Variants in PACRG observed in about 807,000 individuals in gnomAD.
PACRG encodes parkin coregulated gene protein.
A neutral mutation model predicts 29.7 loss-of-function variants in PACRG; 29 were observed. That is an observed-to-expected ratio of 0.98 (90% CI 0.73 to 1.33). The LOEUF is 1.33. Among genes scored for constraint, PACRG ranks in the 40% most tolerant of loss-of-function variants. The pLI is 0.00. For synonymous variants in PACRG, 116 were observed against 118.7 expected (o/e 0.98, Z 0.15); for missense variants, 279 against 316.2 (o/e 0.88, Z 0.89).
At chr6:163,233,309 A>G (rs1489499386) in intron 4 of PACRG, among the ~76,000 whole-genome samples, 2 of 152,242 alleles carry the variant, frequency 1.3e-5, no homozygotes, top group African/African-American at 4.8e-5. Flanking sequence ...ATTGATGAAC[A>G]AAAAGTTCAC....
intron 4 of PACRG, among the ~76,000 whole-genome samples, chr6:163,098,347 G>A (rs960350792): frequency 2.6e-5 from 4 of 152,036 alleles, no homozygotes; most frequent in Non-Finnish European, 4.4e-5. Context: ...AGGGACTCTG[G>A]GAGTTATCTC....
At chr6:163,057,608 C>A (rs1454215847) in intron 2 of PACRG, among the ~76,000 whole-genome samples, 1 of 152,112 alleles carries the variant, frequency 6.6e-6, no homozygotes, top group African/African-American at 2.4e-5. Flanking sequence ...GAGACAGGGT[C>A]TCAATATGTT....
chr6:163,222,614 C>T lies in PACRG; in HGVS notation c.614-92213C>T, dbSNP rs918506451. Reference sequence around the variant, plus strand: ...TATATATGTGAACAAAAGCATTGCACGGAAAACACTTTTAAACACGTTCAC... The same window carrying T: ...TATATATGTGAACAAAAGCATTGCATGGAAAACACTTTTAAACACGTTCAC... On this transcript the variant is annotated intron_variant, in intron 4 of 4. Coordinates refer to ENST00000366888, the MANE Select transcript of PACRG (RefSeq NM_001080379.2). Among the ~76,000 whole-genome samples, 5 of 152,124 alleles carry T rather than the reference C, an allele frequency of 3.3e-5. No individual in the cohort carries two copies. In the East Asian group the frequency reaches 7.7e-4, roughly 24 times the overall value.
chr6:163,233,215 T>G (rs1782113853), intron 4 of PACRG, among the ~76,000 whole-genome samples: 1 of 152,248 alleles, frequency 6.6e-6, no homozygotes. Context: ...TTTCATGTTT[T>G]CTACATCTCT....
intron 2 of PACRG, among the ~76,000 whole-genome samples, chr6:162,859,113 T>C (rs756889599): frequency 6.6e-6 from 1 of 152,194 alleles, no homozygotes; most frequent in Non-Finnish European, 1.5e-5. Flanking sequence ...TAGGAACTTA[T>C]GCCTCTCTAT....
chr6:163,089,001 C>T (rs1414998070), intron 3 of PACRG, among the ~76,000 whole-genome samples: 2 of 152,040 alleles, frequency 1.3e-5, no homozygotes, highest in African/African-American at 4.8e-5. Context: ...GCCTCTTCTA[C>T]GAGGGGAAAA....
In PACRG at chr6:163,315,238, C is replaced by T. The variant is rs41268567; in HGVS notation, c.*251C>T. On this transcript the variant is annotated 3_prime_UTR_variant, in exon 5 of 5. Transcript: ENST00000366888. ...CTAAGAGAAGAATTGCTTCTTTATA[C>T]AGCTCCGACAGAAGCAGGAGTCCGA... 6.1e-4 allele frequency: 219 copies of T among 356,432 alleles called. No homozygotes were observed. Among genetic ancestry groups the T allele is most frequent in the Non-Finnish European group, 9.3e-4 (185 of 199,362 alleles). 22.1% of individuals were successfully genotyped at this position (356,432 alleles called of 1,614,324 possible).
intron 1 of PACRG, among the ~76,000 whole-genome samples, chr6:162,745,533 T>A (rs574034437): frequency 6.6e-6 from 1 of 152,280 alleles, no homozygotes; most frequent in South Asian, 2.1e-4. Flanking sequence ...ACATGTATCC[T>A]GGAACTTTAA....
chr6:163,044,553 T>C (rs1809117730), intron 2 of PACRG: 1 of 152,230 alleles, frequency 6.6e-6, no homozygotes, highest in Non-Finnish European at 1.5e-5. Flanking sequence ...GCTAGTTGTT[T>C]AGTGTCAATA....
At chr6:163,081,911 C>G (rs905218267) in intron 3 of PACRG, among the ~76,000 whole-genome samples, 1 of 152,090 alleles carries the variant, frequency 6.6e-6, no homozygotes, top group Admixed American at 6.6e-5. Context: ...GAAATTCTAG[C>G]CTCTGTCACC....
At chr6:163,151,662 T>C (rs1184971025) in intron 4 of PACRG, among the ~76,000 whole-genome samples, 1 of 152,226 alleles carries the variant, frequency 6.6e-6, no homozygotes, top group Non-Finnish European at 1.5e-5. Context: ...TCAGCATCAG[T>C]AAGCATGAAT....
At chr6:163,191,441 C>A (rs1490353455) in intron 4 of PACRG, among the ~76,000 whole-genome samples, 1 of 152,210 alleles carries the variant, frequency 6.6e-6, no homozygotes, top group African/African-American at 2.4e-5. Flanking sequence ...CTTTCCCCTT[C>A]ACTGCTATGG....
At chr6:162,820,119 T>G (rs912256881) in intron 2 of PACRG, among the ~76,000 whole-genome samples, 3 of 152,154 alleles carry the variant, frequency 2.0e-5, no homozygotes, top group African/African-American at 7.2e-5. Context: ...TCGCTTCCCT[T>G]TCTAAAGGAC....
chr6:163,109,873 T>C (rs1415067217), intron 4 of PACRG, among the ~76,000 whole-genome samples: 2 of 152,204 alleles, frequency 1.3e-5, no homozygotes, highest in African/African-American at 2.4e-5. Flanking sequence ...GGACTTGATA[T>C]GCAAACTCAA....
chr6:163,164,885 G>C (rs1213989086), intron 4 of PACRG, among the ~76,000 whole-genome samples: 2 of 152,154 alleles, frequency 1.3e-5, no homozygotes, highest in Non-Finnish European at 2.9e-5. Context: ...GAGCTCCTGT[G>C]GTGATTTGGT....
At chr6:162,836,722 TAAAA>T (rs386708092) in intron 2 of PACRG, among the ~76,000 whole-genome samples, 9,760 of 152,220 alleles carry the variant, frequency 0.064, 441 homozygotes, top group East Asian at 0.26. Flanking sequence ...TCATTTGATT[TAAAA>T]GAGTGTTTTC....
At chr6:163,311,008 T>C (rs1021104271) in intron 4 of PACRG, 13 of 152,214 alleles carry the variant, frequency 8.5e-5, no homozygotes, top group African/African-American at 3.1e-4. Context: ...AAGCATCCCA[T>C]GGGGACAGTT....
At chr6:162,791,303 G>GTTTTTTT (rs1272846363) in intron 1 of PACRG, among the ~76,000 whole-genome samples, 6 of 85,092 alleles carry the variant, frequency 7.1e-5, no homozygotes, top group African/African-American at 2.7e-4. Flanking sequence ...CTCCTAGTTT[G>GTTTTTTT]TTTGTTTGTT....
chr6:163,124,015 C>T (rs979204681), intron 4 of PACRG, among the ~76,000 whole-genome samples: 1 of 152,120 alleles, frequency 6.6e-6, no homozygotes, highest in Non-Finnish European at 1.5e-5. Context: ...AGTAAGATTG[C>T]CTGCTTATAT....
Sources: allele counts gnomAD v4.1 joint callset (sites outside exome capture counted in the v4.1 genomes callset), GRCh38; gene constraint gnomAD v4.1.1; transcripts MANE v1.5; gene names NCBI Gene and HGNC (gene_info 2026-07-23, HGNC 2026-07-21).